Variants in TTC39B observed in about 807,000 individuals in gnomAD.
TTC39B encodes the protein tetratricopeptide repeat domain 39B, also known as tetratricopeptide repeat protein 39B.
A neutral mutation model predicts 96.6 loss-of-function variants in TTC39B; 92 were observed. That is an observed-to-expected ratio of 0.95 (90% CI 0.80 to 1.13). The LOEUF (loss-of-function observed/expected upper bound fraction) is 1.13. Ranked by LOEUF, TTC39B falls within the 50% of genes most tolerant of loss-of-function variation. TTC39B has a pLI of 0.00. For synonymous variants in TTC39B, 367 were observed against 299.4 expected (o/e 1.23, Z -2.33); for missense variants, 955 against 809.3 (o/e 1.18, Z -2.18).
intron 9 of TTC39B, among the ~76,000 whole-genome samples, chr9:15,191,920 T>A (rs190438805): frequency 1.3e-5 from 2 of 152,320 alleles, no homozygotes; most frequent in East Asian, 3.9e-4. Context: ...GCAGAAAATG[T>A]AAAGATATTT....
intron 1 of TTC39B, among the ~76,000 whole-genome samples, chr9:15,280,575 C>T (rs955007877): frequency 2.6e-5 from 4 of 152,190 alleles, no homozygotes; most frequent in African/African-American, 7.2e-5. Context: ...CTATCAGCTC[C>T]ATCACTTACC....
intron 6 of TTC39B, among the ~76,000 whole-genome samples, chr9:15,205,016 C>G (rs569078): frequency 1.3e-5 from 2 of 151,944 alleles, no homozygotes; most frequent in African/African-American, 4.8e-5. Context: ...TTTAAGTAAA[C>G]GAGCCTGGGG....
chr9:15,290,574 C>A (rs1413607074), intron 1 of TTC39B, among the ~76,000 whole-genome samples: 5 of 152,232 alleles, frequency 3.3e-5, no homozygotes, highest in African/African-American at 1.2e-4. Flanking sequence ...CACCCAGAGA[C>A]AAATGCACGT....
chr9:15,300,446 A>G (rs1167286172), intron 1 of TTC39B, among the ~76,000 whole-genome samples: 2 of 151,920 alleles, frequency 1.3e-5, no homozygotes, highest in African/African-American at 4.8e-5. Context: ...CACAGCCTCT[A>G]CTCTACTTCA....
intron 2 of TTC39B, chr9:15,250,286 T>C: frequency 1.1e-6 from 1 of 870,380 alleles, no homozygotes; most frequent in African/African-American, 1.8e-5. Flanking sequence ...AATCCATCAC[T>C]GTTTAATTAT....
chr9:15,268,632 C>A (rs1241796450), intron 1 of TTC39B, among the ~76,000 whole-genome samples: 3 of 152,138 alleles, frequency 2.0e-5, no homozygotes, highest in African/African-American at 4.8e-5. Context: ...GCTGCAAAAA[C>A]CAAACCTAAG....
intron 14 of TTC39B, 24 bp downstream of exon 14, chr9:15,187,947 A>G (rs756616066): frequency 6.5e-7 from 1 of 1,546,028 alleles, no homozygotes; most frequent in Non-Finnish European, 8.7e-7. Flanking sequence ...AACAGATGAC[A>G]TTAATGAAAG....
At chr9:15,223,329 T>G (rs570426028) in intron 3 of TTC39B, among the ~76,000 whole-genome samples, 1 of 152,248 alleles carries the variant, frequency 6.6e-6, no homozygotes, top group Admixed American at 6.5e-5. Flanking sequence ...TTCTTAAAGG[T>G]GCACCAGCCC....
intron 2 of TTC39B, among the ~76,000 whole-genome samples, chr9:15,245,061 C>T (rs1822214565): frequency 6.6e-6 from 1 of 152,192 alleles, no homozygotes; most frequent in Admixed American, 6.5e-5. Flanking sequence ...TTTTCAATTA[C>T]AGTGAGTAGC....
chr9:15,296,158 A>G (rs1824368166), intron 1 of TTC39B, among the ~76,000 whole-genome samples: 1 of 152,218 alleles, frequency 6.6e-6, no homozygotes, highest in Non-Finnish European at 1.5e-5. Flanking sequence ...CATTTCCTCA[A>G]AGAAGCTGTG....
chr9:15,196,787 T>G (rs1819195613), intron 8 of TTC39B, among the ~76,000 whole-genome samples: 1 of 152,206 alleles, frequency 6.6e-6, no homozygotes, highest in Admixed American at 6.5e-5. Flanking sequence ...TGAAAGAAGT[T>G]CTCCTGTGGG....
chr9:15,226,855 G>C (rs563924842), intron 2 of TTC39B, among the ~76,000 whole-genome samples: 2 of 152,050 alleles, frequency 1.3e-5, no homozygotes, highest in South Asian at 4.2e-4. Flanking sequence ...TATTACAATA[G>C]AATTGCCAAT....
At chr9:15,296,884 A>G (rs1214786014) in intron 1 of TTC39B, among the ~76,000 whole-genome samples, 1 of 152,210 alleles carries the variant, frequency 6.6e-6, no homozygotes, top group East Asian at 1.9e-4. Context: ...CTGGGGGATC[A>G]TGCGAGCCAA....
At chr9:15,290,172 T>C (rs899226771) in intron 1 of TTC39B, among the ~76,000 whole-genome samples, 8 of 152,232 alleles carry the variant, frequency 5.3e-5, no homozygotes, top group Non-Finnish European at 1.2e-4. Flanking sequence ...GAAATCCTTA[T>C]AGGATGATAG....
chr9:15,211,305 C>T, exon 5 of TTC39B: 3 of 1,585,442 alleles, frequency 1.9e-6, no homozygotes, highest in African/African-American at 1.4e-5. Context: ...GGCAGAAATG[C>T]CGTTCTGGAT....
intron 15 of TTC39B, 69 bp from the exon 16 acceptor site, chr9:15,185,475 T>C (rs1304181722): frequency 6.3e-7 from 1 of 1,592,206 alleles, no homozygotes; most frequent in Admixed American, 1.8e-5. Context: ...TACCTGTGGT[T>C]TTCACAGTGA....
chr9:15,293,146 C>T (rs993601782), intron 1 of TTC39B, among the ~76,000 whole-genome samples: 23 of 152,098 alleles, frequency 1.5e-4, no homozygotes. Flanking sequence ...TACACAAATA[C>T]CATTGTGTTA....
chr9:15,231,781 T>C (rs1182828106), intron 2 of TTC39B, among the ~76,000 whole-genome samples: 2 of 152,208 alleles, frequency 1.3e-5, no homozygotes, highest in African/African-American at 2.4e-5. Context: ...ATTTCAAAAA[T>C]GAATAAAAAT....
chr9:15,207,461 A>G (rs925021376), intron 6 of TTC39B, among the ~76,000 whole-genome samples: 1 of 152,154 alleles, frequency 6.6e-6, no homozygotes, highest in African/African-American at 2.4e-5. Flanking sequence ...TATATGACAC[A>G]TTTCATGCCC....
Sources: gnomAD v4.1 joint callset for allele counts (sites outside exome capture counted in the v4.1 genomes callset) on GRCh38, gnomAD v4.1.1 for gene constraint, MANE v1.5 for transcripts, NCBI Gene and HGNC (gene_info 2026-07-23, HGNC 2026-07-21) for gene names.